Variants in LIPH observed in about 807,000 individuals in gnomAD.
The protein encoded by LIPH is lipase member H.
LIPH carries 32 observed loss-of-function variants against 47.6 expected under a neutral mutation model. That is an observed-to-expected ratio of 0.67 (90% CI 0.51 to 0.90). The LOEUF (loss-of-function observed/expected upper bound fraction) is 0.90. LIPH is among the 40% of genes least tolerant of loss of function. The probability of loss-of-function intolerance (pLI) is 0.00; values close to 1 mark genes in which losing one functional copy is unlikely to be tolerated. For synonymous variants in LIPH, 190 were observed against 195.6 expected, an observed-to-expected ratio of 0.97 and a Z score of 0.24; for missense variants, 497 against 541.4, an observed-to-expected ratio of 0.92 and a Z score of 0.81.
In LIPH at chr3:185,508,420, G is replaced by A; in HGVS notation, c.*370C>T. 1 of 284,078 alleles carries A rather than the reference G, an allele frequency of 3.5e-6. No individual in the cohort carries two copies. Among genetic ancestry groups the A allele is most frequent in the Non-Finnish European group, 6.9e-6 (1 of 145,738 alleles). 17.6% of individuals were successfully genotyped at this position (284,078 alleles called of 1,614,324 possible). A position where few individuals can be genotyped will look rare whatever the true frequency, so the allele number is the denominator to read the frequency against. ...CGGAGAATGCAGAGTTGAGTCCACG[G>A]TGAGGCCTCCAGTCCGTCCTTCCCT... On this transcript the variant is annotated 3_prime_UTR_variant, in exon 10 of 10. Transcript: ENST00000296252.
In LIPH at chr3:185,514,394, T is replaced by C. The variant is rs1453784184; in HGVS notation, c.1094+16A>G. On this transcript the variant is annotated intron_variant, in intron 8 of 9. Transcript: ENST00000296252. ...AAGGGAAATAGCGCACTGCAAACAA[T>C]TGTAACTCAACTTACTGATTGATTT... 2.6e-6 allele frequency: 3 copies of C among 1,141,230 alleles called. No individual in the cohort carries two copies. The highest frequency in any genetic ancestry group is 2.4e-5 in the South Asian group (2 of 81,706). The allele number at this position is 1,141,230 out of a possible 1,614,324, so 70.7% of individuals were successfully genotyped here. A position where few individuals can be genotyped will look rare whatever the true frequency, so the allele number is the denominator to read the frequency against.
intron 5 of LIPH, among the ~76,000 whole-genome samples, chr3:185,521,189 A>C (rs1719891511): frequency 6.6e-6 from 1 of 152,280 alleles, no homozygotes; most frequent in East Asian, 1.9e-4. Context: ...TCTATCTTGA[A>C]TAGAATAACT....
intron 4 of LIPH, among the ~76,000 whole-genome samples, 167 bp downstream of exon 4, chr3:185,527,317 A>G (rs1720138561): frequency 6.6e-6 from 1 of 152,008 alleles, no homozygotes; most frequent in Non-Finnish European, 1.5e-5. Context: ...CTGGGTGCCT[A>G]CATTAAACCA....
At chr3:185,530,333 CCAGGCGTGGTGG>C (rs1468086766) in intron 3 of LIPH, among the ~76,000 whole-genome samples, 5 of 152,016 alleles carry the variant, frequency 3.3e-5, no homozygotes, top group Non-Finnish European at 5.9e-5. Flanking sequence ...ACAAAATTAG[CCAGGCGTGGTGG>C]CAGGCACCTG....
chr3:185,515,281 C>A (rs1342942475), intron 7 of LIPH, among the ~76,000 whole-genome samples: 3 of 151,102 alleles, frequency 2.0e-5, no homozygotes, highest in African/African-American at 7.3e-5. Context: ...ACAAATGTTA[C>A]CTGAATAATG....
Position 185,552,484 on chromosome 3 carries a change from GA to G in LIPH, c.-14del. 1 of 1,579,786 alleles carries G rather than the reference GA, an allele frequency of 6.3e-7. No homozygotes were observed. The highest frequency in any genetic ancestry group is 8.7e-7 in the Non-Finnish European group (1 of 1,148,838). ...AGAATCTCAACATATGGAAACTGGA[GA>G]GATCGTGTGTCACATTCACAAGAAT... On this transcript the variant is annotated 5_prime_UTR_variant, in exon 1 of 10. Transcript: ENST00000296252.
intron 1 of LIPH, among the ~76,000 whole-genome samples, chr3:185,548,142 C>G (rs1228043881): frequency 6.6e-6 from 1 of 152,184 alleles, no homozygotes; most frequent in African/African-American, 2.4e-5. Flanking sequence ...CGCAGTGGCT[C>G]AAGCCTGTAA....
chr3:185,542,104 A>G (rs529428732), intron 1 of LIPH, among the ~76,000 whole-genome samples: 3 of 152,176 alleles, frequency 2.0e-5, no homozygotes, highest in East Asian at 3.9e-4. Flanking sequence ...CCCCAAAATC[A>G]ATACTTGAGG....
At position 185,527,599 on chromosome 3, in the gene LIPH, A is replaced by C. The variant is rs755008360; in HGVS notation, c.527-14T>G. 4.5e-6 allele frequency: 7 copies of C among 1,561,650 alleles called. No homozygotes were observed. In the South Asian group the frequency reaches 7.8e-5, roughly 17 times the overall value. On this transcript the variant is annotated splice_polypyrimidine_tract_variant and intron_variant, in intron 3 of 9. Coordinates refer to ENST00000296252, the MANE Select transcript of LIPH (RefSeq NM_139248.3). ...CAGGGTCGAGGCCTGGAAGGAAAAC[A>C]GAGTCACTTGGCAGCCCCACACCAT... is the stretch of plus-strand genomic sequence containing the variant.
At chr3:185,533,304 G>A (rs1349173991) in intron 3 of LIPH, among the ~76,000 whole-genome samples, 1 of 152,050 alleles carries the variant, frequency 6.6e-6, no homozygotes, top group Non-Finnish European at 1.5e-5. Flanking sequence ...GGACATAGCT[G>A]TTTTTCCAGC....
rs1560165319 is a variant in LIPH at position 185,529,965 on chromosome 3, GGAAAGAA to G, written c.527-2387_527-2381del. Among the ~76,000 whole-genome samples the G allele has an allele frequency of 3.9e-3, 403 of 103,070 alleles. 3 individuals carry two copies. The highest frequency in any genetic ancestry group is 0.017 in the South Asian group (52 of 3,030). The allele number at this position is 103,070 out of a possible 152,430, so 67.6% of individuals were successfully genotyped here. ...AAGAAAGAAAGAAAGAAAGAAAGAA[GGAAAGAA>G]AGAAAGAGAGAGAGAGAGAAAATAA... On this transcript the variant is annotated intron_variant, in intron 3 of 9. Transcript: ENST00000296252.
rs1159110899 is a variant in LIPH at position 185,544,116 on chromosome 3, A to G, written c.49+8307T>C. ...TCCACCTGCCTCCGCCTCCCAAAGT[A>G]CTAGGATTACAAGCTTGAGCCAGCA... On this transcript the variant is annotated intron_variant, in intron 1 of 9. Coordinates refer to ENST00000296252, the MANE Select transcript of LIPH (RefSeq NM_139248.3). 2.6e-5 allele frequency among the ~76,000 whole-genome samples: 4 copies of G among 151,616 alleles called. No homozygotes were observed. The East Asian group carries it at 7.9e-4, about 30-fold the overall frequency.
At chr3:185,529,959 AAAGAAG>A (rs1205982663) in intron 3 of LIPH, among the ~76,000 whole-genome samples, 182 of 52,338 alleles carry the variant, frequency 3.5e-3, no homozygotes, top group African/African-American at 9.3e-3. Flanking sequence ...AGAAAGAAAG[AAAGAAG>A]GAAAGAAAGA....
At chr3:185,515,128 T>C (rs1432268822) in intron 7 of LIPH, among the ~76,000 whole-genome samples, 1 of 152,112 alleles carries the variant, frequency 6.6e-6, no homozygotes. Flanking sequence ...GTTCCTGCCA[T>C]ACTCTGGACT....
intron 1 of LIPH, among the ~76,000 whole-genome samples, chr3:185,546,430 A>G (rs1452181520): frequency 6.6e-6 from 1 of 151,636 alleles, no homozygotes; most frequent in East Asian, 1.9e-4. Flanking sequence ...TGGGAGGCTG[A>G]GGCAGGAAAA....
At chr3:185,511,118 C>T (rs1719548196) in intron 9 of LIPH, among the ~76,000 whole-genome samples, 1 of 151,676 alleles carries the variant, frequency 6.6e-6, no homozygotes, top group Non-Finnish European at 1.5e-5. Flanking sequence ...GGCTGGACTT[C>T]AACTCTTGGG....
rs769679909 is a variant in LIPH at position 185,517,159 on chromosome 3, T to C, written c.890A>G (p.Tyr297Cys). Residue 297 changes from tyrosine to cysteine, a missense_variant, in exon 7 of 10, where the codon TAT becomes TGT. Coordinates refer to ENST00000296252, the MANE Select transcript of LIPH (RefSeq NM_139248.3). ...ATGGTCTTTCCAATTATCAGCATAATAGCCTATGAAACAAGTTTAAAAAAT... is the reference window on the plus strand; with the variant it reads ...ATGGTCTTTCCAATTATCAGCATAACAGCCTATGAAACAAGTTTAAAAAAT... ...SQKESCPLLG[Y>C]YADNWKDHLR... 3.2e-6 allele frequency: 5 copies of C among 1,560,642 alleles called. No individual in the cohort carries two copies. The highest frequency in any genetic ancestry group is 4.4e-6 in the Non-Finnish European group (5 of 1,131,416).
At chr3:185,530,547 G>A (rs530949685) in intron 3 of LIPH, among the ~76,000 whole-genome samples, 8 of 152,136 alleles carry the variant, frequency 5.3e-5, no homozygotes, top group East Asian at 3.9e-4. Context: ...GCAGGAGCCT[G>A]TAATCCCAGC....
intron 6 of LIPH, 116 bp from the exon 7 acceptor site, chr3:185,517,278 A>G (rs1231290710): frequency 1.9e-5 from 13 of 696,334 alleles, no homozygotes; most frequent in Middle Eastern, 3.7e-4. Context: ...GAGAAACTCC[A>G]TCCCACCTCC....
Sources: gnomAD v4.1 joint callset for allele counts (sites outside exome capture counted in the v4.1 genomes callset) on GRCh38, gnomAD v4.1.1 for gene constraint, MANE v1.5 for transcripts, NCBI Gene and HGNC (gene_info 2026-07-23, HGNC 2026-07-21) for gene names.